The following SNTG1 variants were observed in gnomAD, a reference collection of about 807,000 sequenced individuals.
SNTG1 encodes the protein syntrophin gamma 1, also known as gamma-1-syntrophin.
Under a neutral mutation model 74.7 loss-of-function variants are expected in SNTG1, and 39 were observed. That is an observed-to-expected ratio of 0.52 (90% CI 0.40 to 0.68). The LOEUF (loss-of-function observed/expected upper bound fraction) is 0.68, where lower values mean the gene tolerates loss of function less well. Ranked by LOEUF, SNTG1 falls within the 30% of genes least tolerant of loss-of-function variation. SNTG1 has a pLI of 0.00. For synonymous variants in SNTG1, 254 were observed against 217.1 expected, an observed-to-expected ratio of 1.17 and a Z score of -1.49; for missense variants, 685 against 609.5, an observed-to-expected ratio of 1.12 and a Z score of -1.30.
intron 18 of SNTG1, among the ~76,000 whole-genome samples, chr8:50,773,570 A>T (rs935439420): frequency 1.3e-5 from 2 of 152,138 alleles, no homozygotes; most frequent in African/African-American, 4.8e-5. Context: ...AGACAGAAAT[A>T]GTCTGTTTCC....
chr8:50,121,592 C>T (rs956952459), intron 1 of SNTG1, among the ~76,000 whole-genome samples: 4 of 142,234 alleles, frequency 2.8e-5, no homozygotes, highest in Non-Finnish European at 4.7e-5. Context: ...TGGTATTGTG[C>T]CAGTATTTTA....
intron 15 of SNTG1, among the ~76,000 whole-genome samples, chr8:50,703,407 A>G (rs2095432968): frequency 6.6e-6 from 1 of 152,132 alleles, no homozygotes; most frequent in Non-Finnish European, 1.5e-5. Context: ...CCATCATCAC[A>G]TCTTGTCCCA....
chr8:50,735,884 A>C (rs1488672714), intron 17 of SNTG1, among the ~76,000 whole-genome samples: 1 of 152,090 alleles, frequency 6.6e-6, no homozygotes, highest in African/African-American at 2.4e-5. Context: ...AGGTCGGGTT[A>C]CCCACAAAGG....
chr8:50,693,128 C>T (rs2095389553), intron 15 of SNTG1, among the ~76,000 whole-genome samples: 1 of 152,228 alleles, frequency 6.6e-6, no homozygotes, highest in African/African-American at 2.4e-5. Context: ...GTGGGAGTGA[C>T]CCAATTTTCC....
intron 2 of SNTG1, among the ~76,000 whole-genome samples, chr8:50,327,084 A>G (rs2130852670): frequency 6.6e-6 from 1 of 152,130 alleles, no homozygotes; most frequent in Non-Finnish European, 1.5e-5. Flanking sequence ...TCTTTTAAAT[A>G]TTTTAAGTTG....
chr8:50,715,971 TTG>T, intron 17 of SNTG1, among the ~76,000 whole-genome samples: 1 of 152,276 alleles, frequency 6.6e-6, no homozygotes, highest in Non-Finnish European at 1.5e-5. Context: ...AAGGTAAAAT[TTG>T]AATTGAAGTT....
intron 1 of SNTG1, among the ~76,000 whole-genome samples, chr8:50,074,133 CTGT>C (rs1308912561): frequency 2.0e-5 from 3 of 152,014 alleles, no homozygotes; most frequent in African/African-American, 4.8e-5. Context: ...CATCAAAAAT[CTGT>C]TGTTTAGTGT....
intron 18 of SNTG1, among the ~76,000 whole-genome samples, chr8:50,789,072 G>T (rs1018850472): frequency 6.6e-6 from 1 of 152,070 alleles, no homozygotes; most frequent in Admixed American, 6.6e-5. Flanking sequence ...AAAAGGAAAA[G>T]AAGGATTTCT....
intron 1 of SNTG1, among the ~76,000 whole-genome samples, chr8:50,132,120 G>C (rs938848749): frequency 1.3e-5 from 2 of 152,012 alleles, no homozygotes; most frequent in African/African-American, 4.8e-5. Flanking sequence ...GATGCCTCTA[G>C]CTTTGTTATT....
rs538594071 is a variant in SNTG1, at chr8:50,192,143, C to T, written c.-28+19508C>T. Reference sequence around the variant, plus strand: ...CCACCCTGAGTGCAGCACAAGAAAGCCAAATCTCCAAAAAGCTTTTGTTGT... The same window carrying T: ...CCACCCTGAGTGCAGCACAAGAAAGTCAAATCTCCAAAAAGCTTTTGTTGT... On this transcript the variant is annotated intron_variant, in intron 2 of 18. Transcript: ENST00000642720. Among the ~76,000 whole-genome samples the T allele has an allele frequency of 5.9e-4, 90 of 152,216 alleles. 3 individuals are homozygous for T. The South Asian group carries it at 0.016, about 28-fold the overall frequency.
At chr8:50,746,064 G>A (rs72645815) in intron 17 of SNTG1, among the ~76,000 whole-genome samples, 8,624 of 151,890 alleles carry the variant, frequency 0.057, 290 homozygotes, top group Non-Finnish European at 0.072. Flanking sequence ...AAGAAAATGT[G>A]AATGTTCTTT....
In SNTG1 at chr8:50,213,942, C is replaced by T. The variant is rs529925295; in HGVS notation, c.-28+41307C>T. ...GAAGCTCTTTAGTTTAATTAGATCC[C>T]ATTTGTCAATTTTGGCTTTTGTTGC... On this transcript the variant is annotated intron_variant, in intron 2 of 18. Transcript: ENST00000642720. Among the ~76,000 whole-genome samples the T allele has an allele frequency of 2.0e-5, 3 of 151,964 alleles. No homozygotes were observed. The East Asian group carries it at 5.8e-4, about 29-fold the overall frequency.
intron 1 of SNTG1, among the ~76,000 whole-genome samples, chr8:50,094,484 A>G (rs1271504470): frequency 1.3e-5 from 2 of 152,298 alleles, no homozygotes; most frequent in African/African-American, 4.8e-5. Flanking sequence ...AGAAATCAAC[A>G]AGCAAAAAAC....
rs115107253 is a variant in SNTG1, at chr8:49,930,015, A to C, written c.-103+17784A>C. Among the ~76,000 whole-genome samples the C allele has an allele frequency of 2.9e-3, 448 of 152,096 alleles. 2 individuals are homozygous for C. The highest frequency in any genetic ancestry group is 0.01 in the African/African-American group (416 of 41,518). ...AACAAGTAAACAACTAAAACAAAAC[A>C]AAACCAAAAAAGCCTTATAGGCATT... On this transcript the variant is annotated intron_variant, in intron 1 of 18. Transcript: ENST00000642720.
At chr8:50,351,963 G>T (rs1016416108) in intron 2 of SNTG1, among the ~76,000 whole-genome samples, 7 of 152,186 alleles carry the variant, frequency 4.6e-5, no homozygotes, top group African/African-American at 1.2e-4. Flanking sequence ...GGTCCTTGAG[G>T]GAGGAGAGGA....
chr8:50,362,100 T>G (rs1176946127), intron 2 of SNTG1, among the ~76,000 whole-genome samples: 1 of 152,104 alleles, frequency 6.6e-6, no homozygotes. Flanking sequence ...GTTTCCAGTG[T>G]CTTTCCAATT....
intron 2 of SNTG1, among the ~76,000 whole-genome samples, chr8:50,365,904 A>C (rs543997953): frequency 6.6e-6 from 1 of 152,320 alleles, no homozygotes; most frequent in South Asian, 2.1e-4. Context: ...AAATGTTGCA[A>C]AACTGCATCT....
chr8:50,587,186 A>ACATATATG (rs2094655293), intron 12 of SNTG1, among the ~76,000 whole-genome samples: 2 of 151,662 alleles, frequency 1.3e-5, no homozygotes, highest in South Asian at 2.1e-4. Context: ...ATATACATAC[A>ACATATATG]CATATATGCA....
At chr8:50,387,810 G>C (rs889688410) in intron 2 of SNTG1, among the ~76,000 whole-genome samples, 1 of 152,064 alleles carries the variant, frequency 6.6e-6, no homozygotes, top group East Asian at 1.9e-4. Context: ...ACCTATAAAA[G>C]AAAAGAGGGT....
Sources: allele counts gnomAD v4.1 joint callset (sites outside exome capture counted in the v4.1 genomes callset), GRCh38; gene constraint gnomAD v4.1.1; transcripts MANE v1.5; gene names NCBI Gene and HGNC (gene_info 2026-07-23, HGNC 2026-07-21).